ITGA8: variants seen among roughly 807,000 people sequenced by gnomAD.
ITGA8 encodes the protein integrin subunit alpha 8.
ITGA8 carries 91 observed loss-of-function variants against 142.3 expected under a neutral mutation model. That is an observed-to-expected ratio of 0.64 (90% CI 0.54 to 0.76). The LOEUF (loss-of-function observed/expected upper bound fraction) is 0.76. Ranked by LOEUF, ITGA8 falls within the 30% of genes least tolerant of loss-of-function variation. The pLI, the probability that ITGA8 is intolerant of heterozygous loss-of-function variation, is 0.00. For synonymous variants in ITGA8, 505 were observed against 485.2 expected (o/e 1.04, Z -0.54); for missense variants, 1,406 against 1,327.7 (o/e 1.06, Z -0.92).
intron 2 of ITGA8, among the ~76,000 whole-genome samples, chr10:15,701,754 T>C (rs1222572429): frequency 1.3e-5 from 2 of 152,340 alleles, no homozygotes; most frequent in African/African-American, 4.8e-5. Flanking sequence ...TAGGTTTCCC[T>C]ACAACCTTCA....
chr10:15,708,199 A>G (rs2131734624), intron 2 of ITGA8, among the ~76,000 whole-genome samples: 1 of 152,294 alleles, frequency 6.6e-6, no homozygotes, highest in East Asian at 1.9e-4. Flanking sequence ...CTTTATTTTC[A>G]ACTCTCTTTT....
intron 8 of ITGA8, among the ~76,000 whole-genome samples, chr10:15,665,924 G>A (rs1328065694): frequency 6.6e-6 from 1 of 152,200 alleles, no homozygotes; most frequent in Non-Finnish European, 1.5e-5. Flanking sequence ...CTGTAGCCTT[G>A]TAGTATAGTT....
intron 20 of ITGA8, among the ~76,000 whole-genome samples, chr10:15,603,651 T>C (rs1035475616): frequency 2.0e-5 from 3 of 152,180 alleles, no homozygotes; most frequent in Non-Finnish European, 4.4e-5. Flanking sequence ...TTTAAACAAA[T>C]AGTGGCATTG....
intron 2 of ITGA8, among the ~76,000 whole-genome samples, chr10:15,689,934 A>G (rs1321200805): frequency 6.6e-6 from 1 of 151,984 alleles, no homozygotes; most frequent in Non-Finnish European, 1.5e-5. Context: ...GCCAGAACCA[A>G]CTCATACAAT....
chr10:15,697,750 T>G (rs1031191054), intron 2 of ITGA8, among the ~76,000 whole-genome samples: 1 of 152,206 alleles, frequency 6.6e-6, no homozygotes, highest in Non-Finnish European at 1.5e-5. Context: ...TAAAAACATA[T>G]ATCCAGCCAT....
chr10:15,719,808 C>A lies in ITGA8; in HGVS notation c.-37G>T. ...CCGGTGGGTGGCTGCTACCCAGGAG[C>A]GCGAGCCGAGGACCCCTGCGGGGCA... On this transcript the variant is annotated 5_prime_UTR_variant, in exon 1 of 30. Coordinates refer to ENST00000378076, the MANE Select transcript of ITGA8 (RefSeq NM_003638.3). 3 of 1,310,128 alleles carry A rather than the reference C, an allele frequency of 2.3e-6. No homozygotes were observed. Among genetic ancestry groups the A allele is most frequent in the Non-Finnish European group, 2.9e-6 (3 of 1,032,574 alleles). The allele number at this position is 1,310,128 out of a possible 1,614,324, so 81.2% of individuals were successfully genotyped here.
rs1833192061 is a variant in ITGA8, at chr10:15,606,177, C to A, written c.1902+108G>T. The A allele has an allele frequency of 6.6e-6, 6 of 912,152 alleles. No individual in the cohort carries two copies. In the East Asian group the frequency reaches 1.5e-4, roughly 22 times the overall value. The allele number at this position is 912,152 out of a possible 1,614,324, so 56.5% of individuals were successfully genotyped here. A position where few individuals can be genotyped will look rare whatever the true frequency, so the allele number is the denominator to read the frequency against. ...AAAACTCCCAAATGTTCCATGTCTGCATGCAGAAGTAAAAATGAAAGGAGC... is the reference window on the plus strand; with the variant it reads ...AAAACTCCCAAATGTTCCATGTCTGAATGCAGAAGTAAAAATGAAAGGAGC... On this transcript the variant is annotated intron_variant, in intron 18 of 29. Transcript: ENST00000378076.
intron 25 of ITGA8, among the ~76,000 whole-genome samples, chr10:15,564,541 C>T (rs77090546): frequency 0.017 from 2,574 of 152,304 alleles, 46 homozygotes; most frequent in Non-Finnish European, 0.027. Flanking sequence ...TGTTGGTAAA[C>T]ATGTTTCTTT....
Position 15,516,575 on chromosome 10 carries a change from A to G in ITGA8, c.*583T>C, listed in dbSNP as rs1298974678. 2.0e-5 allele frequency: 3 copies of G among 151,934 alleles called. No homozygotes were observed. Among genetic ancestry groups the G allele is most frequent in the Admixed American group, 6.6e-5 (1 of 15,260 alleles). The allele number at this position is 151,934 out of a possible 1,614,324, so 9.4% of individuals were successfully genotyped here. ...AGAGACATGGAAAATAAATAAATAAACTCTCACCCTCACTCACAAGATTAT... is the reference window on the plus strand; with the variant it reads ...AGAGACATGGAAAATAAATAAATAAGCTCTCACCCTCACTCACAAGATTAT... On this transcript the variant is annotated 3_prime_UTR_variant, in exon 30 of 30. Transcript: ENST00000378076.
chr10:15,671,785 C>T lies in ITGA8; in HGVS notation c.803-138G>A, dbSNP rs1397508163. The T allele has an allele frequency of 5.8e-6, 3 of 520,128 alleles. No individual in the cohort carries two copies. In the South Asian group the frequency reaches 6.6e-5, roughly 11 times the overall value. 32.2% of individuals were successfully genotyped at this position (520,128 alleles called of 1,614,324 possible). A position where few individuals can be genotyped will look rare whatever the true frequency, so the allele number is the denominator to read the frequency against. Reference sequence around the variant, plus strand: ...ACAAATATTATAAAAGTTAAAGATTCTATAAAGGGAAAAATTAATCACACC... The same window carrying T: ...ACAAATATTATAAAAGTTAAAGATTTTATAAAGGGAAAAATTAATCACACC... On this transcript the variant is annotated intron_variant, in intron 7 of 29. Coordinates refer to ENST00000378076, the MANE Select transcript of ITGA8 (RefSeq NM_003638.3).
intron 27 of ITGA8, among the ~76,000 whole-genome samples, chr10:15,539,517 T>G (rs1469926025): frequency 1.3e-5 from 2 of 152,132 alleles, no homozygotes; most frequent in Non-Finnish European, 2.9e-5. Context: ...GGTCATTATT[T>G]TGGGCAGGAA....
chr10:15,668,710 G>C (rs1029883078), intron 8 of ITGA8, among the ~76,000 whole-genome samples: 8 of 152,176 alleles, frequency 5.3e-5, no homozygotes, highest in African/African-American at 1.9e-4. Context: ...TTTAGGGCAG[G>C]CCTGGTGGTG....
intron 23 of ITGA8, among the ~76,000 whole-genome samples, chr10:15,585,832 G>A (rs949357272): frequency 1.3e-5 from 2 of 152,078 alleles, no homozygotes; most frequent in Non-Finnish European, 2.9e-5. Flanking sequence ...GAAAAAAGAT[G>A]TAAAATATAG....
intron 11 of ITGA8, among the ~76,000 whole-genome samples, chr10:15,650,551 A>G (rs1834066551): frequency 6.6e-6 from 1 of 152,184 alleles, no homozygotes; most frequent in South Asian, 2.1e-4. Context: ...GGTCCCCACC[A>G]GCAAGAAGGC....
intron 2 of ITGA8, among the ~76,000 whole-genome samples, chr10:15,716,327 T>C (rs538022087): frequency 3.9e-5 from 6 of 152,364 alleles, no homozygotes; most frequent in African/African-American, 1.2e-4. Flanking sequence ...CACTATATAT[T>C]TGGAAGTAAA....
chr10:15,673,655 G>T (rs1407021062), intron 6 of ITGA8, among the ~76,000 whole-genome samples: 3 of 152,186 alleles, frequency 2.0e-5, no homozygotes, highest in African/African-American at 4.8e-5. Flanking sequence ...TATCAGCTAA[G>T]TTAAATGAAG....
rs184821892 is a variant in ITGA8, at chr10:15,667,446, T to C, written c.847+4157A>G. 4.8e-3 allele frequency among the ~76,000 whole-genome samples: 725 copies of C among 152,332 alleles called. 2 individuals are homozygous for C. The highest frequency in any genetic ancestry group is 9.3e-3 in the South Asian group (45 of 4,826). ...TAGTCTTGCTAGTGGTCTATCAATT[T>C]TGTTGATCTTTTCAAAAAACCAGCT... On this transcript the variant is annotated intron_variant, in intron 8 of 29. Transcript: ENST00000378076.
chr10:15,566,692 T>C (rs549458836), intron 25 of ITGA8, among the ~76,000 whole-genome samples: 7 of 151,782 alleles, frequency 4.6e-5, no homozygotes, highest in Non-Finnish European at 8.8e-5. Context: ...ATTCCTGTAG[T>C]CCCAGCTACT....
chr10:15,688,077 T>C (rs764455289), intron 2 of ITGA8, 39 bp from the exon 3 acceptor site: 2 of 1,327,772 alleles, frequency 1.5e-6, no homozygotes, highest in Non-Finnish European at 2.2e-6. Flanking sequence ...ATTTGTAAAA[T>C]GTGGCAGCCA....
Sources: allele counts gnomAD v4.1 joint callset (sites outside exome capture counted in the v4.1 genomes callset), GRCh38; gene constraint gnomAD v4.1.1; transcripts MANE v1.5; gene names NCBI Gene and HGNC (gene_info 2026-07-23, HGNC 2026-07-21).